PHF20: variants seen among roughly 807,000 people sequenced by gnomAD.
The protein encoded by PHF20 is PHD finger protein 20, also known as glioma-expressed antigen 2.
PHF20 carries 23 observed loss-of-function variants against 113.5 expected under a neutral mutation model. The ratio of observed to expected loss-of-function variants is 0.20; its 90% CI spans 0.15 to 0.29. The LOEUF is 0.29. PHF20 is among the 10% of genes least tolerant of loss of function. The pLI is 1.00. For synonymous variants in PHF20, 434 were observed against 457.3 expected (o/e 0.95, Z 0.65); for missense variants, 943 against 1,219.6 (o/e 0.77, Z 3.38).
chr20:35,927,638 G>A (rs2055667675), intron 13 of PHF20, 142 bp from the exon 14 acceptor site: 2 of 676,184 alleles, frequency 3.0e-6, no homozygotes, highest in Non-Finnish European at 5.4e-6. Context: ...CAGCAGCTCA[G>A]TTCCACGTTA....
chr20:35,788,313 G>C (rs1242050867), intron 1 of PHF20, among the ~76,000 whole-genome samples: 1 of 149,916 alleles, frequency 6.7e-6, no homozygotes, highest in South Asian at 2.1e-4. Flanking sequence ...AGCCAGGATG[G>C]TCTCGATCTC....
chr20:35,946,954 C>T (rs762004066), intron 17 of PHF20, among the ~76,000 whole-genome samples: 2 of 152,142 alleles, frequency 1.3e-5, no homozygotes, highest in East Asian at 1.9e-4. Flanking sequence ...GTGATCTGCC[C>T]GCCTCGACCT....
intron 10 of PHF20, among the ~76,000 whole-genome samples, chr20:35,903,638 C>T (rs117389336): frequency 0.011 from 1,675 of 152,294 alleles, 18 homozygotes; most frequent in South Asian, 0.017. Flanking sequence ...ATTGCTGATA[C>T]GTTTAGCAGT....
intron 12 of PHF20, 103 bp from the exon 13 acceptor site, chr20:35,917,380 GT>G (rs770643216): frequency 5.0e-5 from 50 of 1,009,058 alleles, no homozygotes; most frequent in Non-Finnish European, 6.4e-5. Context: ...GAATGTTCTT[GT>G]TTGGAGGTAT....
intron 9 of PHF20, among the ~76,000 whole-genome samples, chr20:35,881,945 C>A (rs1220270640): frequency 1.3e-5 from 2 of 152,234 alleles, no homozygotes; most frequent in African/African-American, 2.4e-5. Context: ...TGCTATCCTG[C>A]AGGCATAACT....
chr20:35,902,383 C>T (rs1203859671), intron 10 of PHF20, among the ~76,000 whole-genome samples: 1 of 152,184 alleles, frequency 6.6e-6, no homozygotes, highest in East Asian at 1.9e-4. Flanking sequence ...CAGCACAAAG[C>T]CACCAGAGTT....
intron 2 of PHF20, among the ~76,000 whole-genome samples, chr20:35,824,142 A>G (rs2042222065): frequency 6.6e-6 from 1 of 152,186 alleles, no homozygotes; most frequent in African/African-American, 2.4e-5. Flanking sequence ...GAAACCGCCA[A>G]ACTTTTTCAG....
chr20:35,813,933 G>GAAAA (rs57769210), intron 2 of PHF20, among the ~76,000 whole-genome samples: 2 of 25,002 alleles, frequency 8.0e-5, no homozygotes, highest in Non-Finnish European at 1.6e-4. Flanking sequence ...CTCCGTCTCA[G>GAAAA]AAAAAAAAAA....
intron 2 of PHF20, among the ~76,000 whole-genome samples, chr20:35,828,514 G>A (rs564737061): frequency 2.0e-5 from 3 of 152,292 alleles, no homozygotes; most frequent in Admixed American, 6.5e-5. Flanking sequence ...TTAAGCACGT[G>A]CACGGTATGT....
At chr20:35,871,869 A>C in intron 9 of PHF20, 40 bp downstream of exon 9, 2 of 1,427,814 alleles carry the variant, frequency 1.4e-6, no homozygotes, top group South Asian at 1.4e-5. Context: ...TTTTATATAC[A>C]CTTTTGCTTA....
intron 12 of PHF20, among the ~76,000 whole-genome samples, chr20:35,916,670 C>T (rs1600930568): frequency 6.6e-6 from 1 of 152,018 alleles, no homozygotes; most frequent in Non-Finnish European, 1.5e-5. Context: ...GGTTTCACCA[C>T]GTTGGCCAGG....
intron 2 of PHF20, among the ~76,000 whole-genome samples, chr20:35,824,657 G>T (rs1241126605): frequency 6.6e-6 from 1 of 151,842 alleles, no homozygotes; most frequent in Non-Finnish European, 1.5e-5. Flanking sequence ...ATAATTCAAT[G>T]GTTTTCAGTG....
chr20:35,776,910 C>A (rs1207622721), intron 1 of PHF20, among the ~76,000 whole-genome samples: 3 of 152,184 alleles, frequency 2.0e-5, no homozygotes, highest in African/African-American at 4.8e-5. Flanking sequence ...GCTTAGAAAC[C>A]CCATTGCCTG....
chr20:35,878,181 A>C (rs1600864500), intron 9 of PHF20, among the ~76,000 whole-genome samples: 1 of 152,262 alleles, frequency 6.6e-6, no homozygotes, highest in East Asian at 1.9e-4. Context: ...TTGTGATGGA[A>C]ACTGATAGAG....
rs1600900983 is a variant in PHF20, at chr20:35,899,478, G to A, written c.1391G>A (p.Arg464His). The A allele has an allele frequency of 1.2e-6, 2 of 1,614,034 alleles. No homozygotes were observed. The highest frequency in any genetic ancestry group is 1.7e-6 in the Non-Finnish European group (2 of 1,179,998). ...GTTGTGGACTGTTTAAAATTTTTCC[G>A]CAAAGCCAAACTGTTGCACTATCAC... is the stretch of plus-strand genomic sequence containing the variant. ...CKVVDCLKFF[R>H]KAKLLHYHMK... is the part of the protein sequence containing the mutation. Residue 464 changes from arginine to histidine, a missense_variant, in exon 10 of 18, where the codon CGC becomes CAC. Transcript: ENST00000374012.
At chr20:35,893,078 G>A (rs1292469160) in intron 9 of PHF20, among the ~76,000 whole-genome samples, 1 of 152,216 alleles carries the variant, frequency 6.6e-6, no homozygotes. Context: ...TCTGATCCTA[G>A]TACTGCCTGT....
intron 1 of PHF20, among the ~76,000 whole-genome samples, chr20:35,798,696 C>T (rs571309585): frequency 2.0e-5 from 3 of 152,066 alleles, no homozygotes; most frequent in South Asian, 2.1e-4. Flanking sequence ...TCAGGTGATC[C>T]GGCAGCCTCG....
At chr20:35,872,020 G>A (rs1028873252) in intron 9 of PHF20, 191 bp downstream of exon 9, 10 of 385,606 alleles carry the variant, frequency 2.6e-5, no homozygotes, top group Non-Finnish European at 4.6e-5. Flanking sequence ...GTATGACTAG[G>A]GCTTTATCTA....
At chr20:35,800,247 G>A (rs2041752746) in intron 1 of PHF20, 4 of 152,044 alleles carry the variant, frequency 2.6e-5, no homozygotes, top group Admixed American at 2.6e-4. Context: ...AAATACAAAT[G>A]ATCAGAATGG....
Sources: allele counts gnomAD v4.1 joint callset (sites outside exome capture counted in the v4.1 genomes callset), GRCh38; gene constraint gnomAD v4.1.1; transcripts MANE v1.5; gene names NCBI Gene and HGNC (gene_info 2026-07-23, HGNC 2026-07-21).